MRC1: variants seen among roughly 807,000 people sequenced by gnomAD.
MRC1 encodes the protein mannose receptor C-type 1, also known as macrophage mannose receptor 1.
MRC1 carries 62 observed loss-of-function variants against 102.9 expected under a neutral mutation model. The observed-to-expected ratio is 0.60, with a 90% CI of 0.49 to 0.74. The LOEUF (loss-of-function observed/expected upper bound fraction) is 0.74, where lower values mean the gene tolerates loss of function less well. Among genes scored for constraint, MRC1 ranks in the 30% least tolerant of loss-of-function variants. MRC1 has a pLI of 0.00. For synonymous variants in MRC1, 457 were observed against 298.4 expected (o/e 1.53, Z -5.48); for missense variants, 1,237 against 862.8 (o/e 1.43, Z -5.43).
At chr10:17,814,955 C>T (rs930489222) in intron 1 of MRC1, among the ~76,000 whole-genome samples, 1 of 151,968 alleles carries the variant, frequency 6.6e-6, no homozygotes, top group African/African-American at 2.4e-5. Context: ...CGGGAGCCAC[C>T]GTGCCTGGCC....
At chr10:17,897,947 T>A (rs1380501019) in intron 23 of MRC1, 87 bp from the exon 24 acceptor site, 2 of 774,796 alleles carry the variant, frequency 2.6e-6, no homozygotes, top group African/African-American at 1.7e-5. Flanking sequence ...TGCTTATTTT[T>A]ATGATAGATG....
chr10:17,829,020 G>A (rs995677910), intron 3 of MRC1, among the ~76,000 whole-genome samples: 4 of 151,390 alleles, frequency 2.6e-5, no homozygotes, highest in Admixed American at 6.6e-5. Context: ...TCTTACCCCC[G>A]ACCTCTCACC....
At chr10:17,909,806 T>A (rs2130728821) in intron 29 of MRC1, among the ~76,000 whole-genome samples, 2 of 152,284 alleles carry the variant, frequency 1.3e-5, no homozygotes, top group South Asian at 4.1e-4. Flanking sequence ...TGCCGTTTGT[T>A]TACTAATTAC....
chr10:17,867,391 T>C lies in MRC1; in HGVS notation c.1983+630T>C, dbSNP rs1386877501. Among the ~76,000 whole-genome samples the C allele has an allele frequency of 7.5e-5, 9 of 119,518 alleles. 1 individual carries two copies. The highest frequency in any genetic ancestry group is 2.2e-4 in the African/African-American group (7 of 31,900). The allele number at this position is 119,518 out of a possible 152,430, so 78.4% of individuals were successfully genotyped here. On this transcript the variant is annotated intron_variant, in intron 12 of 29. Transcript: ENST00000569591. ...TTCTTCTTCTTCTTCTTCTTCTCCT[T>C]CTTCTCCTTCTTCTTCTTCTTTTCT...
At position 17,894,390 on chromosome 10, in the gene MRC1, CTTTCTTTTTTTTT is replaced by C. The variant is rs1290251384; in HGVS notation, c.3250+82_3250+94del. 3.3e-5 allele frequency: 19 copies of C among 577,626 alleles called. No homozygotes were observed. The African/African-American group carries it at 3.9e-4, about 12-fold the overall frequency. 35.8% of individuals were successfully genotyped at this position (577,626 alleles called of 1,614,324 possible). A position where few individuals can be genotyped will look rare whatever the true frequency, so the allele number is the denominator to read the frequency against. ...CACTTTTTTCTTTCTTTCTTTCTTT[CTTTCTTTTTTTTT>C]TTTTTTTTTTTTTTGAGGCAGAGTC... On this transcript the variant is annotated intron_variant, in intron 23 of 29. Coordinates refer to ENST00000569591, the MANE Select transcript of MRC1 (RefSeq NM_002438.4).
At chr10:17,865,026 G>T (rs2130666525) in intron 11 of MRC1, among the ~76,000 whole-genome samples, 1 of 152,154 alleles carries the variant, frequency 6.6e-6, no homozygotes, top group Non-Finnish European at 1.5e-5. Context: ...TTCTGAAATA[G>T]TCTCGGAAAG....
chr10:17,839,785 A>G (rs1019297800), intron 4 of MRC1, among the ~76,000 whole-genome samples: 4 of 152,080 alleles, frequency 2.6e-5, no homozygotes, highest in Non-Finnish European at 4.4e-5. Context: ...GTGGCAGGGT[A>G]TGGTGGCTCA....
At position 17,846,822 on chromosome 10, in the gene MRC1, G is replaced by T. The variant is rs889373092; in HGVS notation, c.1063+1387G>T. Among the ~76,000 whole-genome samples the T allele has an allele frequency of 4.6e-5, 7 of 152,180 alleles. No homozygotes were observed. The East Asian group carries it at 1.4e-3, about 29-fold the overall frequency. ...AGACAGCACATATATTTTTTTGACC[G>T]ATCTCCTGTGTAATGGATTTTTAAT... On this transcript the variant is annotated intron_variant, in intron 6 of 29. Coordinates refer to ENST00000569591, the MANE Select transcript of MRC1 (RefSeq NM_002438.4).
chr10:17,898,934 G>C (rs1331873572), intron 24 of MRC1, among the ~76,000 whole-genome samples: 11 of 152,138 alleles, frequency 7.2e-5, no homozygotes, highest in African/African-American at 2.7e-4. Context: ...AGATATGACA[G>C]TCAGCAATTA....
intron 22 of MRC1, among the ~76,000 whole-genome samples, chr10:17,888,221 TA>T (rs1242042463): frequency 1.3e-5 from 2 of 152,230 alleles, no homozygotes; most frequent in Non-Finnish European, 2.9e-5. Flanking sequence ...GCTTGGATTG[TA>T]ACAGGTTTTC....
intron 7 of MRC1, among the ~76,000 whole-genome samples, chr10:17,851,060 C>T (rs1028789040): frequency 2.6e-5 from 4 of 152,136 alleles, no homozygotes; most frequent in Non-Finnish European, 5.9e-5. Context: ...TTTAGTGTGG[C>T]ACTTATAGCC....
intron 22 of MRC1, among the ~76,000 whole-genome samples, chr10:17,891,897 G>T (rs1833683285): frequency 6.6e-6 from 1 of 152,170 alleles, no homozygotes; most frequent in South Asian, 2.1e-4. Context: ...TTGGGGAGGG[G>T]AAGTATTTCG....
chr10:17,856,262 G>A lies in MRC1; in HGVS notation c.1428G>A (p.Arg476=), dbSNP rs781930481. 10 of 866,962 alleles carry A rather than the reference G, an allele frequency of 1.2e-5. No homozygotes were observed. The highest frequency in any genetic ancestry group is 1.8e-5 in the Non-Finnish European group (9 of 499,252). 53.7% of individuals were successfully genotyped at this position (866,962 alleles called of 1,614,324 possible). The change falls in exon 9 of 30, where the codon CGG becomes CGA. Residue 476 remains arginine, a synonymous_variant. Coordinates refer to ENST00000569591, the MANE Select transcript of MRC1 (RefSeq NM_002438.4). ...TGCAGGATGGGTACTGGGCAGATCG[G>A]GGCTGTGAGTGGCCTCTTGGCTACA... The part of the protein sequence containing the change: ...MKGKDGYWAD[R]GCEWPLGYIC...
chr10:17,883,997 C>G (rs1430583070), intron 21 of MRC1, among the ~76,000 whole-genome samples: 1 of 152,136 alleles, frequency 6.6e-6, no homozygotes, highest in Non-Finnish European at 1.5e-5. Context: ...GATGGGGTCT[C>G]CCTCTGTTGC....
intron 26 of MRC1, among the ~76,000 whole-genome samples, chr10:17,902,587 A>G (rs1410708752): frequency 5.9e-5 from 9 of 152,230 alleles, no homozygotes; most frequent in African/African-American, 2.2e-4. Flanking sequence ...AAAATGTCAA[A>G]TAAAGTTTAT....
intron 5 of MRC1, among the ~76,000 whole-genome samples, chr10:17,841,516 T>A (rs1417318432): frequency 6.6e-6 from 1 of 152,214 alleles, no homozygotes; most frequent in Non-Finnish European, 1.5e-5. Flanking sequence ...CTTTCTAATT[T>A]TTTTAGAGGA....
intron 25 of MRC1, 58 bp downstream of exon 25, chr10:17,901,011 A>G (rs1375219575): frequency 2.6e-6 from 2 of 755,802 alleles, no homozygotes; most frequent in Non-Finnish European, 4.9e-6. Flanking sequence ...AAGCTACTAC[A>G]TACCACTGTT....
intron 10 of MRC1, among the ~76,000 whole-genome samples, chr10:17,862,025 T>A (rs1833191702): frequency 1.3e-5 from 2 of 152,222 alleles, no homozygotes; most frequent in Non-Finnish European, 2.9e-5. Flanking sequence ...TATCTATTTT[T>A]AAGATTTATT....
rs1421260561 is a variant in MRC1, at chr10:17,885,300, T to C, written c.3012T>C (p.Thr1004=). ...TTACCTATCACATGAAGGACTCCAC[T>C]TTCAGTGCCTGGACTGGGCTGAATG... The part of the protein sequence containing the change: ...AFLTYHMKDS[T]FSAWTGLNDV... The change falls in exon 22 of 30, where the codon ACT becomes ACC. Residue 1004 remains threonine, a synonymous_variant. Coordinates refer to ENST00000569591, the MANE Select transcript of MRC1 (RefSeq NM_002438.4). 1.7e-5 allele frequency: 13 copies of C among 780,908 alleles called. No homozygotes were observed. Among genetic ancestry groups the C allele is most frequent in the Non-Finnish European group, 3.1e-5 (13 of 417,972 alleles). 48.4% of individuals were successfully genotyped at this position (780,908 alleles called of 1,614,324 possible). A position where few individuals can be genotyped will look rare whatever the true frequency, so the allele number is the denominator to read the frequency against.
Sources: allele counts gnomAD v4.1 joint callset (sites outside exome capture counted in the v4.1 genomes callset), GRCh38; gene constraint gnomAD v4.1.1; transcripts MANE v1.5; gene names NCBI Gene and HGNC (gene_info 2026-07-23, HGNC 2026-07-21).